Variants in SRFBP1 observed in about 807,000 individuals in gnomAD.
SRFBP1 encodes the protein serum response factor binding protein 1.
In SRFBP1, 47 loss-of-function variants were observed where a neutral mutation model predicts 45.5. That is an observed-to-expected ratio of 1.03 (90% CI 0.82 to 1.32). The LOEUF is 1.32. SRFBP1 is among the 40% of genes most tolerant of loss of function. The pLI, the probability that SRFBP1 is intolerant of heterozygous loss-of-function variation, is 0.00. For missense variants in SRFBP1, 621 were observed against 484.6 expected, an observed-to-expected ratio of 1.28 and a Z score of -2.64; for synonymous variants, 203 against 166.3, an observed-to-expected ratio of 1.22 and a Z score of -1.70.
At chr5:122,054,278 G>A (rs1437132266) in intron 2 of SRFBP1, among the ~76,000 whole-genome samples, 1 of 152,146 alleles carries the variant, frequency 6.6e-6, no homozygotes, top group African/African-American at 2.4e-5. Flanking sequence ...CAGTTCCTGT[G>A]GAGAGCATGA....
intron 2 of SRFBP1, among the ~76,000 whole-genome samples, chr5:122,036,567 T>C (rs966895530): frequency 2.0e-5 from 3 of 152,190 alleles, no homozygotes; most frequent in African/African-American, 7.2e-5. Flanking sequence ...GAACATTTCT[T>C]TCTCTGGGAG....
chr5:122,053,980 TG>T (rs1441879991), intron 2 of SRFBP1, among the ~76,000 whole-genome samples: 1 of 151,874 alleles, frequency 6.6e-6, no homozygotes, highest in Non-Finnish European at 1.5e-5. Context: ...GTAGTTGGAG[TG>T]GCCAGCCAAG....
intron 2 of SRFBP1, among the ~76,000 whole-genome samples, chr5:122,069,218 G>A (rs754751013): frequency 1.3e-4 from 20 of 152,226 alleles, no homozygotes; most frequent in Admixed American, 4.6e-4. Context: ...CTGTCTGTAT[G>A]ATCCAGTGGC....
intron 7 of SRFBP1, among the ~76,000 whole-genome samples, chr5:122,026,032 G>C (rs1390284170): frequency 1.3e-5 from 2 of 152,198 alleles, no homozygotes; most frequent in Non-Finnish European, 2.9e-5. Context: ...GGAGGTTGCA[G>C]TGAGCCAAGA....
intron 3 of SRFBP1, among the ~76,000 whole-genome samples, chr5:121,976,975 C>G (rs907111370): frequency 1.3e-5 from 2 of 151,842 alleles, no homozygotes; most frequent in Non-Finnish European, 2.9e-5. Context: ...AAAAGATACT[C>G]AATCTTTAGA....
rs78178465 is a variant in SRFBP1, at chr5:121,968,749, A to G, written c.37-5447A>G. 3.3e-3 allele frequency among the ~76,000 whole-genome samples: 501 copies of G among 152,294 alleles called. 2 individuals are homozygous for G. Among genetic ancestry groups the G allele is most frequent in the African/African-American group, 0.011 (476 of 41,556 alleles). On this transcript the variant is annotated intron_variant, in intron 1 of 7. Transcript: ENST00000339397. ...AAGGAGTAAATCAGTTTGCATTTCT[A>G]CCAGCAGTGTATTTGTCTGTTTCCT...
chr5:121,974,230 G>A lies in SRFBP1; in HGVS notation c.71G>A (p.Arg24Gln), dbSNP rs765260313. 3.7e-6 allele frequency: 6 copies of A among 1,611,310 alleles called. No individual in the cohort carries two copies. In the East Asian group the frequency reaches 1.1e-4, roughly 30 times the overall value. ...ATGAGAAAAGAAGTGAAGAGAATTCGAGTTTTAGTTATCCGAAAACTTGTC... is the reference window on the plus strand; with the variant it reads ...ATGAGAAAAGAAGTGAAGAGAATTCAAGTTTTAGTTATCCGAAAACTTGTC... ...VKMRKEVKRIRVLVIRKLVRS... is the reference protein window; with the variant it reads ...VKMRKEVKRIQVLVIRKLVRS... Residue 24 changes from arginine (R) to glutamine (Q), a missense_variant, in exon 2 of 8, where the codon CGA becomes CAA. Coordinates refer to ENST00000339397, the MANE Select transcript of SRFBP1 (RefSeq NM_152546.3).
chr5:122,076,974 T>G (rs939193306), downstream of SRFBP1: 2 of 1,613,622 alleles, frequency 1.2e-6, no homozygotes, highest in Non-Finnish European at 1.7e-6. Context: ...CTGGATGTAG[T>G]AGGGGTCGGC....
chr5:122,074,139 G>A (rs1422128048), intron 2 of SRFBP1: 1 of 1,614,138 alleles, frequency 6.2e-7, no homozygotes, highest in Non-Finnish European at 8.5e-7. Flanking sequence ...GCAGGTCATA[G>A]TGGCTAAACT....
chr5:121,979,304 T>G (rs1752361314), intron 3 of SRFBP1, among the ~76,000 whole-genome samples: 1 of 152,194 alleles, frequency 6.6e-6, no homozygotes, highest in Admixed American at 6.5e-5. Flanking sequence ...TGTTTAGAAT[T>G]TTGTGATATT....
chr5:122,013,274 A>G (rs1753131906), intron 4 of SRFBP1, among the ~76,000 whole-genome samples: 1 of 152,130 alleles, frequency 6.6e-6, no homozygotes, highest in Non-Finnish European at 1.5e-5. Context: ...CAAGTAGTTC[A>G]TTCTCTAAGA....
intron 4 of SRFBP1, among the ~76,000 whole-genome samples, chr5:122,015,170 AT>A (rs1285450002): frequency 2.0e-5 from 3 of 152,106 alleles, no homozygotes; most frequent in African/African-American, 7.2e-5. Flanking sequence ...AGGATTAGTC[AT>A]TTTTGTTGTC....
intron 3 of SRFBP1, among the ~76,000 whole-genome samples, chr5:121,992,121 T>C (rs1752633283): frequency 6.6e-6 from 1 of 152,140 alleles, no homozygotes; most frequent in African/African-American, 2.4e-5. Flanking sequence ...ACAACACAAA[T>C]GTATTGTCTT....
intron 2 of SRFBP1, among the ~76,000 whole-genome samples, chr5:122,067,397 G>A (rs1015162681): frequency 6.6e-6 from 1 of 152,082 alleles, no homozygotes; most frequent in Non-Finnish European, 1.5e-5. Flanking sequence ...AAATGAAGGA[G>A]AGAGGGTACA....
intron 2 of SRFBP1, among the ~76,000 whole-genome samples, chr5:122,055,273 C>T (rs1381335397): frequency 2.0e-5 from 3 of 152,184 alleles, no homozygotes; most frequent in Non-Finnish European, 2.9e-5. Context: ...TTATCCCACT[C>T]ATGAGCACTC....
chr5:122,014,858 A>G (rs1322969570), intron 4 of SRFBP1, among the ~76,000 whole-genome samples: 1 of 152,228 alleles, frequency 6.6e-6, no homozygotes, highest in Admixed American at 6.5e-5. Flanking sequence ...AACTCTGGAA[A>G]GAAATACCCA....
At position 122,027,170 on chromosome 5, in the gene SRFBP1, G is replaced by GT. The variant is rs769742884; in HGVS notation, c.*52dup. On this transcript the variant is annotated 3_prime_UTR_variant, in exon 8 of 8. Transcript: ENST00000339397. ...AACTTTTCCATCTAAAAAAAAAAATGTTTTTTTTAAGACAGGATCTCATTC... is the reference window on the plus strand; with the variant it reads ...AACTTTTCCATCTAAAAAAAAAAATGTTTTTTTTTAAGACAGGATCTCATTC... 6.9e-5 allele frequency: 100 copies of GT among 1,445,664 alleles called. 1 individual carries two copies. The highest frequency in any genetic ancestry group is 1.2e-4 in the East Asian group (5 of 42,998). The allele number at this position is 1,445,664 out of a possible 1,614,324, so 89.6% of individuals were successfully genotyped here.
chr5:122,033,166 GT>G (rs1033074260), downstream of SRFBP1, among the ~76,000 whole-genome samples: 4 of 148,308 alleles, frequency 2.7e-5, no homozygotes, highest in East Asian at 2.0e-4. Context: ...ACTGGTGAGG[GT>G]TTTTTTTTCC....
At chr5:122,032,378 C>G (rs1362812072), downstream of SRFBP1, among the ~76,000 whole-genome samples, 1 of 151,116 alleles carries the variant, frequency 6.6e-6, no homozygotes, top group Non-Finnish European at 1.5e-5. Context: ...ATTGTTTGTT[C>G]TTTCCACCCC....
Sources: allele counts gnomAD v4.1 joint callset (sites outside exome capture counted in the v4.1 genomes callset), GRCh38; gene constraint gnomAD v4.1.1; transcripts MANE v1.5; gene names NCBI Gene and HGNC (gene_info 2026-07-23, HGNC 2026-07-21).